The following UNC5C variants were observed in gnomAD, a reference collection of about 807,000 sequenced individuals.
UNC5C encodes the protein unc-5 netrin receptor C.
In UNC5C, 47 loss-of-function variants were observed where a neutral mutation model predicts 99.8. The observed-to-expected ratio is 0.47, with a 90% CI of 0.37 to 0.60. The LOEUF (loss-of-function observed/expected upper bound fraction) is 0.60, where lower values mean the gene tolerates loss of function less well. Among genes scored for constraint, UNC5C ranks in the 20% least tolerant of loss-of-function variants. The probability of loss-of-function intolerance (pLI) is 0.00; values close to 1 mark genes in which losing one functional copy is unlikely to be tolerated. For missense variants in UNC5C, 1,062 were observed against 1,165.9 expected, an observed-to-expected ratio of 0.91 and a Z score of 1.30; for synonymous variants, 487 against 452.2, an observed-to-expected ratio of 1.08 and a Z score of -0.98.
chr4:95,232,556 T>C (rs1023632896), intron 7 of UNC5C, among the ~76,000 whole-genome samples: 2 of 152,152 alleles, frequency 1.3e-5, no homozygotes, highest in Non-Finnish European at 2.9e-5. Context: ...GAGCCCATGC[T>C]TTGCTGTAGT....
chr4:95,180,907 G>A (rs574366170), intron 14 of UNC5C, among the ~76,000 whole-genome samples: 33 of 152,164 alleles, frequency 2.2e-4, no homozygotes, highest in Non-Finnish European at 4.0e-4. Flanking sequence ...TTTATGGTTT[G>A]TCAATCATCT....
chr4:95,530,670 A>G (rs764123714), intron 1 of UNC5C, among the ~76,000 whole-genome samples: 2 of 152,198 alleles, frequency 1.3e-5, no homozygotes, highest in African/African-American at 4.8e-5. Flanking sequence ...GGCATCATCA[A>G]TTGACATTTA....
At chr4:95,467,051 G>A (rs1180283688) in intron 1 of UNC5C, among the ~76,000 whole-genome samples, 2 of 152,086 alleles carry the variant, frequency 1.3e-5, no homozygotes, top group East Asian at 3.9e-4. Context: ...GAGAAACTGA[G>A]GCCTCCTGCC....
chr4:95,324,280 G>A (rs1025519951), intron 2 of UNC5C, among the ~76,000 whole-genome samples: 1 of 152,022 alleles, frequency 6.6e-6, no homozygotes, highest in Admixed American at 6.6e-5. Flanking sequence ...CACATGCAAG[G>A]GATATAGGTT....
intron 12 of UNC5C, among the ~76,000 whole-genome samples, chr4:95,192,304 C>A (rs1737165562): frequency 7.5e-6 from 1 of 133,214 alleles, no homozygotes; most frequent in South Asian, 2.7e-4. Context: ...TCCTCCCCTT[C>A]TCACCTCCTC....
chr4:95,436,185 GA>G (rs138789682), intron 1 of UNC5C, among the ~76,000 whole-genome samples: 14,455 of 147,934 alleles, frequency 0.098, 838 homozygotes, highest in East Asian at 0.22. Context: ...TTTATCTGAT[GA>G]AAAAAAAAAT....
At chr4:95,176,655 C>T (rs560035475) in intron 14 of UNC5C, among the ~76,000 whole-genome samples, 117 of 152,346 alleles carry the variant, frequency 7.7e-4, no homozygotes, top group African/African-American at 2.6e-3. Flanking sequence ...AGCTGTCTGA[C>T]AGGGACATTT....
chr4:95,250,433 A>G, intron 5 of UNC5C, 54 bp downstream of exon 5: 2 of 1,556,954 alleles, frequency 1.3e-6, no homozygotes, highest in South Asian at 2.4e-5. Flanking sequence ...ACCGATGCCA[A>G]CGAGAAACTG....
chr4:95,305,486 C>T (rs1742031649), intron 2 of UNC5C, among the ~76,000 whole-genome samples: 1 of 152,070 alleles, frequency 6.6e-6, no homozygotes, highest in African/African-American at 2.4e-5. Flanking sequence ...ATCAGCATTA[C>T]TTCTAAGGTG....
In UNC5C at chr4:95,507,880, A is replaced by C. The variant is rs74344868; in HGVS notation, c.124+40854T>G. Among the ~76,000 whole-genome samples, 290 of 152,172 alleles carry C rather than the reference A, an allele frequency of 1.9e-3. 5 individuals carry two copies. In the East Asian group the frequency reaches 0.048, roughly 25 times the overall value. On this transcript the variant is annotated intron_variant, in intron 1 of 15. Coordinates refer to ENST00000453304, the MANE Select transcript of UNC5C (RefSeq NM_003728.4). ...AATGCTACCATCAGCTAAAACGCAT[A>C]CAGGGAACTCCACTTCCCTGGATCA...
Position 95,170,266 on chromosome 4 carries a change from T to C in UNC5C, c.2518A>G (p.Ser840Gly). Residue 840 changes from serine (S) to glycine (G), a missense_variant, in exon 15 of 16, where the codon AGT (serine) becomes GGT (glycine). Physicochemically the swap from Ser to Gly is moderately conservative, Grantham distance 56. Transcript: ENST00000453304. ...ANTITTVTGPSAFSIPLPIRQ... is the reference protein window; with the variant it reads ...ANTITTVTGPGAFSIPLPIRQ... ...ATAGGGAGAGGGATGCTGAAAGCAC[T>C]GGGCCCCGTGACCGTGGTGATGGTG... The C allele has an allele frequency of 6.2e-7, 1 of 1,614,136 alleles. No homozygotes were observed. The highest frequency in any genetic ancestry group is 8.5e-7 in the Non-Finnish European group (1 of 1,180,034).
chr4:95,529,802 A>T (rs1722596799), intron 1 of UNC5C, among the ~76,000 whole-genome samples: 1 of 152,220 alleles, frequency 6.6e-6, no homozygotes, highest in African/African-American at 2.4e-5. Flanking sequence ...CTTTGTTACA[A>T]CTACATAAAC....
chr4:95,513,913 C>T (rs1161768049), intron 1 of UNC5C, among the ~76,000 whole-genome samples: 1 of 152,112 alleles, frequency 6.6e-6, no homozygotes, highest in African/African-American at 2.4e-5. Flanking sequence ...ATTGCTTAAC[C>T]TAACTTTCTT....
intron 1 of UNC5C, among the ~76,000 whole-genome samples, chr4:95,515,637 C>G (rs376287343): frequency 4.0e-4 from 61 of 152,256 alleles, no homozygotes; most frequent in African/African-American, 1.4e-3. Flanking sequence ...TAATCATCCA[C>G]TATGCATAGC....
chr4:95,510,646 T>G (rs1344096938), intron 1 of UNC5C, among the ~76,000 whole-genome samples: 1 of 152,074 alleles, frequency 6.6e-6, no homozygotes, highest in Admixed American at 6.6e-5. Context: ...ACCTTAAGGG[T>G]AGTGTGCTGT....
intron 1 of UNC5C, among the ~76,000 whole-genome samples, chr4:95,442,680 A>C (rs1265246898): frequency 6.6e-6 from 1 of 152,088 alleles, no homozygotes; most frequent in African/African-American, 2.4e-5. Context: ...AATTTTGGTG[A>C]GGTAAAATAA....
At position 95,371,656 on chromosome 4, in the gene UNC5C, A is replaced by G. The variant is rs1479396032; in HGVS notation, c.125-36025T>C. On this transcript the variant is annotated intron_variant, in intron 1 of 15. Transcript: ENST00000453304. ...GAATCGCCAGCTTCAAAGTATTGTT[A>G]TGTAAATTAAATAAGTTAACATGTG... Among the ~76,000 whole-genome samples, 5 of 152,324 alleles carry G rather than the reference A, an allele frequency of 3.3e-5. No individual in the cohort carries two copies. The East Asian group carries it at 9.6e-4, about 29-fold the overall frequency.
At chr4:95,389,178 G>C (rs1745288894) in intron 1 of UNC5C, among the ~76,000 whole-genome samples, 1 of 152,088 alleles carries the variant, frequency 6.6e-6, no homozygotes. Context: ...CAGGGCACAT[G>C]GTTATACAAA....
chr4:95,246,619 G>GATAC (rs1224115616), intron 5 of UNC5C, among the ~76,000 whole-genome samples: 1 of 151,606 alleles, frequency 6.6e-6, no homozygotes, highest in Non-Finnish European at 1.5e-5. Flanking sequence ...AATGTTTATG[G>GATAC]ATACATTATG....
Sources: gnomAD v4.1 joint callset for allele counts (sites outside exome capture counted in the v4.1 genomes callset) on GRCh38, gnomAD v4.1.1 for gene constraint, MANE v1.5 for transcripts, NCBI Gene and HGNC (gene_info 2026-07-23, HGNC 2026-07-21) for gene names.